SYNPO2: variants seen among roughly 807,000 people sequenced by gnomAD.
The protein encoded by SYNPO2 is synaptopodin-2.
In SYNPO2, 56 loss-of-function variants were observed where a neutral mutation model predicts 85.0. The ratio of observed to expected loss-of-function variants is 0.66; its 90% CI spans 0.53 to 0.82. SYNPO2 has a LOEUF of 0.82. SYNPO2 is among the 40% of genes least tolerant of loss of function. The probability of loss-of-function intolerance (pLI) is 0.00; values close to 1 mark genes in which losing one functional copy is unlikely to be tolerated. For synonymous variants in SYNPO2, 602 were observed against 591.1 expected, an observed-to-expected ratio of 1.02 and a Z score of -0.27; for missense variants, 1,575 against 1,534.2, an observed-to-expected ratio of 1.03 and a Z score of -0.44.
intron 1 of SYNPO2, among the ~76,000 whole-genome samples, chr4:118,879,285 A>C (rs143111956): frequency 6.6e-6 from 1 of 152,362 alleles, no homozygotes; most frequent in African/African-American, 2.4e-5. Flanking sequence ...TGAACACAGA[A>C]GTGCCAATTC....
chr4:118,979,454 C>G (rs753203371), intron 1 of SYNPO2, among the ~76,000 whole-genome samples: 7 of 152,188 alleles, frequency 4.6e-5, no homozygotes, highest in Non-Finnish European at 8.8e-5. Context: ...GAATCATATA[C>G]TACCATCTTG....
rs1191281738 is a variant in SYNPO2, at chr4:119,013,213, C to T, written c.106-10217C>T. Among the ~76,000 whole-genome samples, 3 of 152,120 alleles carry T rather than the reference C, an allele frequency of 2.0e-5. No individual in the cohort carries two copies. The East Asian group carries it at 5.8e-4, about 29-fold the overall frequency. On this transcript the variant is annotated intron_variant, in intron 1 of 4. Coordinates refer to ENST00000307142, the MANE Select transcript of SYNPO2 (RefSeq NM_133477.3). Reference sequence around the variant, plus strand: ...GCGGTGACACAAATGTACCAGGGGCCTTTGTGTTCCTTACTGTCATACATT... The same window carrying T: ...GCGGTGACACAAATGTACCAGGGGCTTTTGTGTTCCTTACTGTCATACATT...
chr4:118,968,829 G>C (rs1257333679), intron 1 of SYNPO2, among the ~76,000 whole-genome samples: 3 of 152,216 alleles, frequency 2.0e-5, no homozygotes, highest in Non-Finnish European at 4.4e-5. Context: ...GCAGAAGCAA[G>C]CTCAGACTGA....
intron 1 of SYNPO2, among the ~76,000 whole-genome samples, chr4:118,894,063 G>A (rs1682157106): frequency 6.6e-6 from 1 of 150,654 alleles, no homozygotes. Context: ...TATATATTTT[G>A]CTGGTTCATG....
intron 1 of SYNPO2, among the ~76,000 whole-genome samples, chr4:118,949,055 G>A (rs746255995): frequency 6.6e-6 from 1 of 152,142 alleles, no homozygotes; most frequent in Non-Finnish European, 1.5e-5. Context: ...TTTCCAGGTA[G>A]TTCTAATGTG....
chr4:119,045,548 T>C (rs1738848024), intron 4 of SYNPO2, among the ~76,000 whole-genome samples: 1 of 152,234 alleles, frequency 6.6e-6, no homozygotes, highest in African/African-American at 2.4e-5. Context: ...TACTTGTTTC[T>C]CCATAGAAAC....
chr4:119,037,486 G>A lies in SYNPO2; in HGVS notation c.3252+5459G>A, dbSNP rs115940556. Reference sequence around the variant, plus strand: ...CATTTGTCTTTTCTTCAGGATACACGGTAGAAGTCAGAGAATCTTTGATAC... The same window carrying A: ...CATTTGTCTTTTCTTCAGGATACACAGTAGAAGTCAGAGAATCTTTGATAC... On this transcript the variant is annotated intron_variant, in intron 4 of 4. Coordinates refer to ENST00000307142, the MANE Select transcript of SYNPO2 (RefSeq NM_133477.3). 1,438 of 1,024,098 alleles carry A rather than the reference G, an allele frequency of 1.4e-3. 17 individuals carry two copies. In the African/African-American group the frequency reaches 0.023, roughly 16 times the overall value. 63.4% of individuals were successfully genotyped at this position (1,024,098 alleles called of 1,614,324 possible).
intron 1 of SYNPO2, among the ~76,000 whole-genome samples, chr4:118,879,527 CAT>C (rs1411816568): frequency 1.3e-5 from 2 of 152,162 alleles, no homozygotes; most frequent in African/African-American, 4.8e-5. Flanking sequence ...AGAAGACAGT[CAT>C]CTACAAACCA....
At chr4:118,859,713 GT>G (rs144650322) in intron 1 of SYNPO2, among the ~76,000 whole-genome samples, 193 of 152,250 alleles carry the variant, frequency 1.3e-3, no homozygotes, top group African/African-American at 4.3e-3. Context: ...ATGACCTCCA[GT>G]TCCATCCATG....
At chr4:118,959,888 C>T (rs1049308631) in intron 1 of SYNPO2, among the ~76,000 whole-genome samples, 7 of 152,084 alleles carry the variant, frequency 4.6e-5, no homozygotes, top group Admixed American at 4.6e-4. Flanking sequence ...TTCCTGGAAC[C>T]TGTGAGTGTT....
chr4:118,988,453 A>G (rs747967923), intron 1 of SYNPO2, among the ~76,000 whole-genome samples: 2 of 152,188 alleles, frequency 1.3e-5, no homozygotes, highest in Non-Finnish European at 2.9e-5. Context: ...CAGCAGGTTG[A>G]GCAAAACCTA....
At chr4:118,976,950 C>T (rs56225827) in intron 1 of SYNPO2, among the ~76,000 whole-genome samples, 46,779 of 152,192 alleles carry the variant, frequency 0.31, 8,294 homozygotes, top group South Asian at 0.52. Flanking sequence ...AAAGACTCTC[C>T]ACGTCCCCAC....
chr4:118,911,553 T>C lies in SYNPO2; in HGVS notation c.105+22412T>C, dbSNP rs975449518. On this transcript the variant is annotated intron_variant, in intron 1 of 4. Transcript: ENST00000307142. ...CTTTCTTTTGTTGTTTTATTTTCTT[T>C]GTGCATGCATAAAAGTTTCTTGGCA... Among the ~76,000 whole-genome samples the C allele has an allele frequency of 4.6e-5, 7 of 152,324 alleles. No individual in the cohort carries two copies. The East Asian group carries it at 1.3e-3, about 29-fold the overall frequency.
intron 1 of SYNPO2, among the ~76,000 whole-genome samples, chr4:118,967,422 G>A (rs900341958): frequency 3.2e-4 from 49 of 152,196 alleles, no homozygotes; most frequent in African/African-American, 9.4e-4. Context: ...AAGAGCCAGC[G>A]TTCTGAAAAT....
chr4:118,933,829 GTTTTTTT>G (rs71595334), intron 1 of SYNPO2, among the ~76,000 whole-genome samples: 2 of 102,318 alleles, frequency 2.0e-5, no homozygotes, highest in Non-Finnish European at 3.8e-5. Flanking sequence ...TGTTGTTGTT[GTTTTTTT>G]TTTTTTTTTT....
At chr4:119,050,625 G>C (rs750361375) in intron 4 of SYNPO2, among the ~76,000 whole-genome samples, 10 of 152,132 alleles carry the variant, frequency 6.6e-5, no homozygotes, top group Non-Finnish European at 8.8e-5. Context: ...ATTAATGTTG[G>C]CTATTTTTAA....
intron 1 of SYNPO2, among the ~76,000 whole-genome samples, chr4:118,975,887 C>T (rs964857299): frequency 1.3e-5 from 2 of 152,234 alleles, no homozygotes; most frequent in African/African-American, 4.8e-5. Context: ...TGATCAGACA[C>T]AAGTCCCATA....
chr4:119,000,393 A>T (rs17050178), intron 1 of SYNPO2, among the ~76,000 whole-genome samples: 4,477 of 152,204 alleles, frequency 0.029, 208 homozygotes, highest in African/African-American at 0.1. Context: ...GCTAATAATA[A>T]ATGAGAGCCC....
chr4:119,005,278 C>G (rs935799306), intron 1 of SYNPO2, among the ~76,000 whole-genome samples: 134 of 152,042 alleles, frequency 8.8e-4, no homozygotes, highest in Non-Finnish European at 1.3e-3. Flanking sequence ...TTGCTTTTGG[C>G]GTTTTAGACA....
Sources: allele counts gnomAD v4.1 joint callset (sites outside exome capture counted in the v4.1 genomes callset), GRCh38; gene constraint gnomAD v4.1.1; transcripts MANE v1.5; gene names NCBI Gene and HGNC (gene_info 2026-07-23, HGNC 2026-07-21).